Variants in RNF138 observed in about 807,000 individuals in gnomAD.
RNF138 encodes the protein E3 ubiquitin-protein ligase RNF138.
Under a neutral mutation model 31.0 loss-of-function variants are expected in RNF138, and 12 were observed. The observed-to-expected ratio is 0.39, with a 90% CI of 0.25 to 0.63. The LOEUF is 0.63. Ranked by LOEUF, RNF138 falls within the 20% of genes least tolerant of loss-of-function variation. The pLI, the probability that RNF138 is intolerant of heterozygous loss-of-function variation, is 0.52. For missense variants in RNF138, 192 were observed against 300.1 expected, an observed-to-expected ratio of 0.64 and a Z score of 2.66; for synonymous variants, 105 against 99.5, an observed-to-expected ratio of 1.06 and a Z score of -0.33.
chr18:32,100,084 G>A lies in RNF138; in HGVS notation c.110+7198G>A, dbSNP rs2039897488. On this transcript the variant is annotated intron_variant, in intron 2 of 7. Transcript: ENST00000261593. The stretch of plus-strand genomic sequence containing the variant: ...AAATTAAGGTAAATTGGCATTCATT[G>A]CTTTAGCAAATATTAGGACTGCCTA... 3.3e-5 allele frequency among the ~76,000 whole-genome samples: 5 copies of A among 152,242 alleles called. No individual in the cohort carries two copies. In the South Asian group the frequency reaches 1.0e-3, roughly 32 times the overall value.
chr18:32,100,479 T>C (rs946763913), intron 2 of RNF138, among the ~76,000 whole-genome samples: 11 of 139,300 alleles, frequency 7.9e-5, no homozygotes, highest in Admixed American at 7.3e-4. Context: ...TTTTTTTTTT[T>C]TTTTTTTTTT....
Position 32,095,198 on chromosome 18 carries a change from C to T in RNF138, c.110+2312C>T, listed in dbSNP as rs1438558950. Among the ~76,000 whole-genome samples, 3 of 152,076 alleles carry T rather than the reference C, an allele frequency of 2.0e-5. No individual in the cohort carries two copies. In the East Asian group the frequency reaches 5.8e-4, roughly 29 times the overall value. Reference sequence around the variant, plus strand: ...TTATCGTTTTTTTTTGAGACATGGTCTTATTCTGTTGTCCAGGGTGGAGTG... The same window carrying T: ...TTATCGTTTTTTTTTGAGACATGGTTTTATTCTGTTGTCCAGGGTGGAGTG... On this transcript the variant is annotated intron_variant, in intron 2 of 7. Transcript: ENST00000261593.
In RNF138 at chr18:32,129,374, A is replaced by G. The variant is rs2040436481; in HGVS notation, c.*187A>G. On this transcript the variant is annotated 3_prime_UTR_variant, in exon 8 of 8. Coordinates refer to ENST00000261593, the MANE Select transcript of RNF138 (RefSeq NM_016271.5). ...TCATCTTGATAAGTTAAAAAATGAA[A>G]GTTATGACATTAGCTTTAAAGGTGT... 1 of 506,642 alleles carries G rather than the reference A, an allele frequency of 2.0e-6. No individual in the cohort carries two copies. Among genetic ancestry groups the G allele is most frequent in the East Asian group, 2.9e-5 (1 of 34,084 alleles). 31.4% of individuals were successfully genotyped at this position (506,642 alleles called of 1,614,324 possible).
chr18:32,106,520 A>G (rs1482142052), intron 2 of RNF138, among the ~76,000 whole-genome samples: 1 of 151,846 alleles, frequency 6.6e-6, no homozygotes, highest in Non-Finnish European at 1.5e-5. Context: ...GGAAGATACT[A>G]GAAGTTGAAA....
At chr18:32,093,023 C>T (rs2039730838) in intron 2 of RNF138, 137 bp downstream of exon 2, 1 of 478,068 alleles carries the variant, frequency 2.1e-6, no homozygotes, top group South Asian at 3.6e-5. Context: ...CGCGAGGTCC[C>T]GTTCCCCGCC....
In RNF138 at chr18:32,122,743, G is replaced by A. The variant is rs1249535421; in HGVS notation, c.393-775G>A. ...GGAGGCTGAGGCAGAAAAATTGCTC[G>A]AACCCAGGAGGCAGAGGTTGCAGTG... On this transcript the variant is annotated intron_variant, in intron 4 of 7. Transcript: ENST00000261593. 2.6e-5 allele frequency among the ~76,000 whole-genome samples: 4 copies of A among 152,252 alleles called. No individual in the cohort carries two copies. The East Asian group carries it at 5.8e-4, about 22-fold the overall frequency.
At chr18:32,106,547 A>G (rs532471613) in intron 2 of RNF138, among the ~76,000 whole-genome samples, 28 of 141,162 alleles carry the variant, frequency 2.0e-4, no homozygotes, top group Non-Finnish European at 3.7e-4. Flanking sequence ...TTTTTATTTT[A>G]TTTTATTTAT....
At chr18:32,103,763 A>T (rs1426366332) in intron 2 of RNF138, among the ~76,000 whole-genome samples, 1 of 151,990 alleles carries the variant, frequency 6.6e-6, no homozygotes, top group Non-Finnish European at 1.5e-5. Context: ...GGAGATCGAG[A>T]TCATCCTGGC....
chr18:32,100,008 G>T (rs1003295768), intron 2 of RNF138, among the ~76,000 whole-genome samples: 6 of 152,288 alleles, frequency 3.9e-5, no homozygotes, highest in African/African-American at 1.4e-4. Flanking sequence ...TCAAGGTTTT[G>T]ATTTGAGAAC....
In RNF138 at chr18:32,092,773, C is replaced by T. The variant is rs1172648218; in HGVS notation, c.-4C>T. 13 of 1,560,252 alleles carry T rather than the reference C, an allele frequency of 8.3e-6. No homozygotes were observed. Among genetic ancestry groups the T allele is most frequent in the African/African-American group, 2.7e-5 (2 of 73,746 alleles). ...GCCATCGCCTTGTTTCCCCATCCCC[C>T]GCCATGGCCGAGGACCTCTCTGCGG... On this transcript the variant is annotated 5_prime_UTR_variant, in exon 2 of 8. Transcript: ENST00000261593.
intron 2 of RNF138, among the ~76,000 whole-genome samples, chr18:32,099,282 T>G (rs73954995): frequency 0.02 from 3,049 of 152,300 alleles, 95 homozygotes; most frequent in African/African-American, 0.07. Flanking sequence ...AAGTTCTGTC[T>G]AGCACTTTGA....
At chr18:32,115,628 C>T (rs1419176652) in intron 4 of RNF138, among the ~76,000 whole-genome samples, 1 of 152,068 alleles carries the variant, frequency 6.6e-6, no homozygotes, top group Non-Finnish European at 1.5e-5. Flanking sequence ...GCCTATAGTC[C>T]CAGCTACTTG....
chr18:32,092,546 C>T, intron 1 of RNF138, 154 bp from the exon 2 acceptor site: 2 of 533,120 alleles, frequency 3.8e-6, no homozygotes, highest in East Asian at 3.4e-5. Flanking sequence ...CATCCAGCCC[C>T]CTGTGGGAGG....
chr18:32,128,781 C>T (rs959011722), intron 7 of RNF138, among the ~76,000 whole-genome samples: 1 of 152,164 alleles, frequency 6.6e-6, no homozygotes, highest in Non-Finnish European at 1.5e-5. Context: ...TGAATAGTTG[C>T]AACTACAGGC....
At chr18:32,099,097 G>A (rs1263080393) in intron 2 of RNF138, among the ~76,000 whole-genome samples, 1 of 152,038 alleles carries the variant, frequency 6.6e-6, no homozygotes, top group African/African-American at 2.4e-5. Flanking sequence ...AATGCGTAAT[G>A]GAAATTCGTC....
Sources: gnomAD v4.1 joint callset for allele counts (sites outside exome capture counted in the v4.1 genomes callset) on GRCh38, gnomAD v4.1.1 for gene constraint, MANE v1.5 for transcripts, NCBI Gene and HGNC (gene_info 2026-07-23, HGNC 2026-07-21) for gene names.